Variants in ROBO1 observed in about 807,000 individuals in gnomAD.
ROBO1 encodes roundabout homolog 1.
In ROBO1, 149 loss-of-function variants were observed where a neutral mutation model predicts 195.9. That is an observed-to-expected ratio of 0.76 (90% CI 0.67 to 0.87). ROBO1 has a LOEUF of 0.87. Ranked by LOEUF, ROBO1 falls within the 40% of genes least tolerant of loss-of-function variation. The pLI, the probability that ROBO1 is intolerant of heterozygous loss-of-function variation, is 0.00. For synonymous variants in ROBO1, 816 were observed against 733.2 expected (o/e 1.11, Z -1.82); for missense variants, 1,933 against 2,068.3 (o/e 0.93, Z 1.27).
At chr3:78,673,345 G>A (rs1300481956) in intron 10 of ROBO1, among the ~76,000 whole-genome samples, 2 of 150,408 alleles carry the variant, frequency 1.3e-5, no homozygotes, top group African/African-American at 4.9e-5. Flanking sequence ...AATAGTGGTG[G>A]AGGTAGTGAT....
chr3:78,687,206 A>C (rs2081071498), intron 9 of ROBO1, among the ~76,000 whole-genome samples: 1 of 152,228 alleles, frequency 6.6e-6, no homozygotes, highest in African/African-American at 2.4e-5. Context: ...GTTCCAGTGG[A>C]TTTACTATTA....
At chr3:79,159,431 G>C (rs77708142) in intron 2 of ROBO1, among the ~76,000 whole-genome samples, 20,451 of 151,848 alleles carry the variant, frequency 0.13, 2,214 homozygotes, top group African/African-American at 0.3. Context: ...ACCCAGGTTT[G>C]ATTGTGCTCC....
chr3:79,300,603 A>G (rs1559801650), intron 2 of ROBO1, among the ~76,000 whole-genome samples: 1 of 152,188 alleles, frequency 6.6e-6, no homozygotes, highest in Non-Finnish European at 1.5e-5. Flanking sequence ...TGGGGCGTGC[A>G]GGCGCACTGC....
At chr3:79,737,985 T>C (rs1430080915) in intron 1 of ROBO1, among the ~76,000 whole-genome samples, 2 of 152,160 alleles carry the variant, frequency 1.3e-5, no homozygotes, top group East Asian at 1.9e-4. Flanking sequence ...GTCATCTACT[T>C]GGTTAGAGAC....
intron 1 of ROBO1, among the ~76,000 whole-genome samples, chr3:79,741,993 T>G (rs1336611914): frequency 2.6e-5 from 4 of 152,188 alleles, no homozygotes; most frequent in African/African-American, 9.7e-5. Context: ...GTGTTCAATA[T>G]GTGACCTGGC....
At chr3:79,754,246 G>A (rs1704267001) in intron 1 of ROBO1, among the ~76,000 whole-genome samples, 1 of 152,158 alleles carries the variant, frequency 6.6e-6, no homozygotes, top group Non-Finnish European at 1.5e-5. Flanking sequence ...GATTATATAA[G>A]CATATTTTAT....
chr3:78,729,633 C>A (rs181193882), intron 5 of ROBO1, among the ~76,000 whole-genome samples: 1 of 152,254 alleles, frequency 6.6e-6, no homozygotes, highest in East Asian at 1.9e-4. Flanking sequence ...GCAGATGAAA[C>A]AGTGAAGGCT....
intron 4 of ROBO1, among the ~76,000 whole-genome samples, chr3:78,803,469 C>T (rs75979030): frequency 0.038 from 5,704 of 151,938 alleles, 149 homozygotes; most frequent in Middle Eastern, 0.058. Context: ...TTTAAAAATT[C>T]GAGGCATGAA....
chr3:79,732,641 T>C (rs1041703602), intron 1 of ROBO1, among the ~76,000 whole-genome samples: 3 of 152,314 alleles, frequency 2.0e-5, no homozygotes, highest in Middle Eastern at 3.4e-3. Context: ...AAAAACTTCC[T>C]TTACTCAAAA....
intron 3 of ROBO1, among the ~76,000 whole-genome samples, chr3:78,982,416 T>C (rs1285542492): frequency 1.3e-5 from 2 of 152,162 alleles, no homozygotes; most frequent in African/African-American, 2.4e-5. Flanking sequence ...TTCCCTTCAC[T>C]CCTACAGTAT....
intron 3 of ROBO1, chr3:79,018,790 T>C (rs1360993341): frequency 1.7e-5 from 18 of 1,066,936 alleles, no homozygotes; most frequent in African/African-American, 4.9e-5. Context: ...CTCCACGGTC[T>C]TGCGGAGCCT....
intron 4 of ROBO1, among the ~76,000 whole-genome samples, chr3:78,776,087 T>G (rs73113478): frequency 0.22 from 34,124 of 152,082 alleles, 4,244 homozygotes; most frequent in Non-Finnish European, 0.28. Context: ...TTATTGTTTC[T>G]TTTCCCCACC....
intron 2 of ROBO1, among the ~76,000 whole-genome samples, chr3:79,558,023 T>G (rs1376740842): frequency 6.6e-6 from 1 of 152,136 alleles, no homozygotes; most frequent in African/African-American, 2.4e-5. Context: ...TGTACAATAA[T>G]CAGCCTGAAT....
At chr3:78,606,133 G>A (rs1575762771) in intron 29 of ROBO1, among the ~76,000 whole-genome samples, 1 of 152,292 alleles carries the variant, frequency 6.6e-6, no homozygotes, top group Non-Finnish European at 1.5e-5. Flanking sequence ...AAATGCCCTT[G>A]TTATAAATCT....
chr3:79,518,466 G>C (rs376628519), intron 2 of ROBO1, among the ~76,000 whole-genome samples: 1 of 152,004 alleles, frequency 6.6e-6, no homozygotes, highest in African/African-American at 2.4e-5. Flanking sequence ...GGTAGTTTTA[G>C]AGTTGCTACT....
chr3:79,200,969 G>A, intron 2 of ROBO1, among the ~76,000 whole-genome samples: 1 of 151,794 alleles, frequency 6.6e-6, no homozygotes. Context: ...TTCTGAATAG[G>A]TGAAATTTTC....
chr3:79,434,317 T>A (rs2038799256), intron 2 of ROBO1, among the ~76,000 whole-genome samples: 1 of 152,142 alleles, frequency 6.6e-6, no homozygotes, highest in Admixed American at 6.5e-5. Flanking sequence ...AATCTACTCA[T>A]CTGACAAAGG....
In ROBO1 at chr3:78,831,880, C is replaced by A. The variant is rs1375161782; in HGVS notation, c.500-84980G>T. Among the ~76,000 whole-genome samples the A allele has an allele frequency of 2.6e-5, 4 of 152,170 alleles. No homozygotes were observed. The South Asian group carries it at 8.3e-4, about 32-fold the overall frequency. On this transcript the variant is annotated intron_variant, in intron 4 of 30. Transcript: ENST00000464233. ...ATTTTGTGAAATGTATTCACTATCA[C>A]AAGAACAGCACAGGAAAGACCCGTC...
intron 4 of ROBO1, among the ~76,000 whole-genome samples, chr3:78,820,061 G>A (rs1031164719): frequency 4.6e-5 from 7 of 152,092 alleles, no homozygotes; most frequent in African/African-American, 1.7e-4. Flanking sequence ...TCGAAAAAGG[G>A]ATCCAATTTG....
Sources: gnomAD v4.1 joint callset for allele counts (sites outside exome capture counted in the v4.1 genomes callset) on GRCh38, gnomAD v4.1.1 for gene constraint, MANE v1.5 for transcripts, NCBI Gene and HGNC (gene_info 2026-07-23, HGNC 2026-07-21) for gene names.